SPAG16: variants seen among roughly 807,000 people sequenced by gnomAD.
The protein encoded by SPAG16 is sperm-associated antigen 16 protein.
Under a neutral mutation model 80.4 loss-of-function variants are expected in SPAG16, and 86 were observed. The ratio of observed to expected loss-of-function variants is 1.07; its 90% CI spans 0.90 to 1.28. SPAG16 has a LOEUF of 1.28. Ranked by LOEUF, SPAG16 falls within the 50% of genes most tolerant of loss-of-function variation. SPAG16 has a pLI of 0.00. For synonymous variants in SPAG16, 294 were observed against 265.9 expected, an observed-to-expected ratio of 1.11 and a Z score of -1.03; for missense variants, 870 against 765.3, an observed-to-expected ratio of 1.14 and a Z score of -1.61.
intron 12 of SPAG16, 103 bp from the exon 13 acceptor site, chr2:214,013,848 T>A: frequency 8.1e-7 from 1 of 1,231,350 alleles, no homozygotes; most frequent in Non-Finnish European, 1.1e-6. Context: ...TTTTTGCCAT[T>A]AATAAAATTA....
At chr2:213,300,673 T>G (rs1490544455) in intron 3 of SPAG16, among the ~76,000 whole-genome samples, 1 of 152,130 alleles carries the variant, frequency 6.6e-6, no homozygotes, top group African/African-American at 2.4e-5. Context: ...TAGTTTTTAT[T>G]AAAAAAATTC....
intron 10 of SPAG16, among the ~76,000 whole-genome samples, chr2:213,836,386 AT>A (rs1326542014): frequency 1.3e-5 from 2 of 152,150 alleles, no homozygotes; most frequent in Non-Finnish European, 2.9e-5. Flanking sequence ...TAAGAGAGGT[AT>A]TGACAAATTT....
chr2:213,672,718 C>A (rs1176325485), intron 10 of SPAG16, among the ~76,000 whole-genome samples: 1 of 151,998 alleles, frequency 6.6e-6, no homozygotes, highest in African/African-American at 2.4e-5. Context: ...CACATTATTG[C>A]CTCATCTTAA....
At chr2:214,369,954 C>A (rs1226701822) in intron 15 of SPAG16, among the ~76,000 whole-genome samples, 1 of 152,054 alleles carries the variant, frequency 6.6e-6, no homozygotes, top group Admixed American at 6.6e-5. Flanking sequence ...TACATTTCTA[C>A]CCCTCACCTC....
At chr2:214,322,084 A>T (rs1457973362) in intron 15 of SPAG16, among the ~76,000 whole-genome samples, 2 of 152,206 alleles carry the variant, frequency 1.3e-5, no homozygotes, top group East Asian at 3.8e-4. Flanking sequence ...ATTTTCCTCC[A>T]CATGTTTCTC....
At chr2:213,507,015 C>G (rs1187642866) in intron 10 of SPAG16, among the ~76,000 whole-genome samples, 1 of 152,178 alleles carries the variant, frequency 6.6e-6, no homozygotes, top group African/African-American at 2.4e-5. Context: ...TTCCTGCAAG[C>G]TTAGGCAAAT....
At chr2:214,131,796 G>A (rs1466285190) in intron 14 of SPAG16, among the ~76,000 whole-genome samples, 1 of 152,116 alleles carries the variant, frequency 6.6e-6, no homozygotes, top group Non-Finnish European at 1.5e-5. Flanking sequence ...GGTTGCCAGG[G>A]GCTGGAGGGA....
At chr2:214,377,378 G>A (rs114724238) in intron 15 of SPAG16, among the ~76,000 whole-genome samples, 1 of 152,170 alleles carries the variant, frequency 6.6e-6, no homozygotes, top group Admixed American at 6.6e-5. Flanking sequence ...TGCTTGATAT[G>A]TACCATAGAT....
chr2:213,847,008 G>A (rs1343847308), intron 10 of SPAG16, among the ~76,000 whole-genome samples: 1 of 152,180 alleles, frequency 6.6e-6, no homozygotes, highest in Non-Finnish European at 1.5e-5. Flanking sequence ...CTTGCTGGCT[G>A]TCAGGTGGAG....
At chr2:213,746,096 C>G (rs373923334) in intron 10 of SPAG16, among the ~76,000 whole-genome samples, 2 of 152,316 alleles carry the variant, frequency 1.3e-5, no homozygotes, top group East Asian at 1.9e-4. Context: ...TGCAGGGAAA[C>G]AGATTTACTG....
intron 10 of SPAG16, among the ~76,000 whole-genome samples, chr2:213,521,516 T>C (rs1406457643): frequency 2.0e-5 from 3 of 152,320 alleles, no homozygotes; most frequent in East Asian, 3.9e-4. Flanking sequence ...ACAATGCCAG[T>C]GGACCCTCTG....
intron 10 of SPAG16, among the ~76,000 whole-genome samples, chr2:213,704,060 T>C (rs2065629623): frequency 6.6e-6 from 1 of 152,236 alleles, no homozygotes; most frequent in Non-Finnish European, 1.5e-5. Context: ...CTTGTTCTTC[T>C]GGCTGTTCTC....
chr2:213,440,556 AAACAACAAC>A lies in SPAG16; in HGVS notation c.943-49386_943-49378del, dbSNP rs368614647. On this transcript the variant is annotated intron_variant, in intron 9 of 15. Transcript: ENST00000331683. ...GGTGACAGAGCGAGACTCCATCTCA[AAACAACAAC>A]AACAACAACAACAACAACAAATAGT... Among the ~76,000 whole-genome samples, 9 of 151,736 alleles carry A rather than the reference AAACAACAAC, an allele frequency of 5.9e-5. No homozygotes were observed. The East Asian group carries it at 1.5e-3, about 26-fold the overall frequency.
intron 10 of SPAG16, among the ~76,000 whole-genome samples, chr2:213,849,372 G>T (rs913333387): frequency 6.6e-6 from 1 of 151,944 alleles, no homozygotes; most frequent in Non-Finnish European, 1.5e-5. Flanking sequence ...ACCAAACTGG[G>T]GATAAAATTT....
intron 11 of SPAG16, among the ~76,000 whole-genome samples, chr2:213,919,374 G>T (rs2078107187): frequency 6.6e-6 from 1 of 152,092 alleles, no homozygotes; most frequent in South Asian, 2.1e-4. Context: ...TAGTTGTGAT[G>T]TTAGGTTGAT....
intron 15 of SPAG16, among the ~76,000 whole-genome samples, chr2:214,299,002 G>A (rs1694353056): frequency 6.6e-6 from 1 of 151,984 alleles, no homozygotes; most frequent in Admixed American, 6.6e-5. Context: ...TGAACTATGA[G>A]GTAAATTATA....
intron 10 of SPAG16, among the ~76,000 whole-genome samples, chr2:213,639,660 A>G (rs1364222840): frequency 1.3e-5 from 2 of 152,184 alleles, no homozygotes; most frequent in South Asian, 2.1e-4. Context: ...ATTTTACCTC[A>G]TAGCTCTTTA....
At chr2:213,404,362 A>G (rs1048290397) in intron 9 of SPAG16, among the ~76,000 whole-genome samples, 1 of 152,162 alleles carries the variant, frequency 6.6e-6, no homozygotes, top group South Asian at 2.1e-4. Context: ...AAACAGAGAT[A>G]TAGACCAATG....
At chr2:213,387,318 T>A (rs972849523) in intron 9 of SPAG16, among the ~76,000 whole-genome samples, 2 of 151,076 alleles carry the variant, frequency 1.3e-5, no homozygotes, top group African/African-American at 2.4e-5. Context: ...ATTAAAAGTA[T>A]TTTAAGAAAA....
Sources: gnomAD v4.1 joint callset for allele counts (sites outside exome capture counted in the v4.1 genomes callset) on GRCh38, gnomAD v4.1.1 for gene constraint, MANE v1.5 for transcripts, NCBI Gene and HGNC (gene_info 2026-07-23, HGNC 2026-07-21) for gene names.